Variants in SLC35F3 observed in about 807,000 individuals in gnomAD.
SLC35F3 encodes putative thiamine transporter SLC35F3.
Under a neutral mutation model 49.9 loss-of-function variants are expected in SLC35F3, and 25 were observed. The observed-to-expected ratio is 0.50, with a 90% CI of 0.37 to 0.70. SLC35F3 has a LOEUF of 0.70. Ranked by LOEUF, SLC35F3 falls within the 30% of genes least tolerant of loss-of-function variation. The pLI is 0.00. For missense variants in SLC35F3, 525 were observed against 639.8 expected (o/e 0.82, Z 1.94); for synonymous variants, 275 against 265.4 (o/e 1.04, Z -0.35).
chr1:233,932,880 G>A (rs866992499), intron 2 of SLC35F3, among the ~76,000 whole-genome samples: 12 of 152,230 alleles, frequency 7.9e-5, no homozygotes, highest in Admixed American at 5.2e-4. Flanking sequence ...CTACATGTTT[G>A]TAAATGGAAG....
chr1:234,195,069 A>C (rs187799462), intron 2 of SLC35F3, among the ~76,000 whole-genome samples: 96 of 152,296 alleles, frequency 6.3e-4, no homozygotes, highest in African/African-American at 2.2e-3. Flanking sequence ...TCAAGACTGC[A>C]CTCAAGCTCT....
chr1:234,055,771 G>A (rs1352595647), intron 2 of SLC35F3, among the ~76,000 whole-genome samples: 6 of 152,022 alleles, frequency 3.9e-5, no homozygotes, highest in Admixed American at 6.6e-5. Context: ...GTTCCTATTC[G>A]GCCATCTTGG....
intron 2 of SLC35F3, among the ~76,000 whole-genome samples, chr1:234,170,365 T>C (rs1235918302): frequency 1.3e-5 from 2 of 152,176 alleles, no homozygotes. Flanking sequence ...AAGTTATTTC[T>C]GTCTCACTGT....
intron 2 of SLC35F3, among the ~76,000 whole-genome samples, chr1:234,123,599 G>A (rs1053160056): frequency 1.7e-4 from 22 of 132,168 alleles, no homozygotes; most frequent in African/African-American, 5.4e-4. Flanking sequence ...TGTATTTTTA[G>A]TAGAGACAGG....
At chr1:234,198,817 CT>C (rs1005871472) in intron 2 of SLC35F3, among the ~76,000 whole-genome samples, 1 of 152,080 alleles carries the variant, frequency 6.6e-6, no homozygotes, top group Non-Finnish European at 1.5e-5. Flanking sequence ...TTAATATTAA[CT>C]GTGGTCACCA....
intron 2 of SLC35F3, among the ~76,000 whole-genome samples, chr1:234,224,870 T>A (rs1008073815): frequency 6.6e-6 from 1 of 152,176 alleles, no homozygotes; most frequent in African/African-American, 2.4e-5. Context: ...GTGGTGTATG[T>A]ATTGGGTGTC....
At chr1:234,262,910 G>A (rs1667927406) in intron 3 of SLC35F3, among the ~76,000 whole-genome samples, 1 of 152,204 alleles carries the variant, frequency 6.6e-6, no homozygotes, top group Non-Finnish European at 1.5e-5. Flanking sequence ...ACAGCCCTTT[G>A]ACTAATGGAC....
At position 234,079,262 on chromosome 1, in the gene SLC35F3, AT is replaced by A. The variant is rs962182763; in HGVS notation, c.284-152147del. Reference sequence around the variant, plus strand: ...ACAAATGGTGCTGGGACATGAGTCTATTTTTTTTATACGGTGTGAGATTAGG... The same window carrying A: ...ACAAATGGTGCTGGGACATGAGTCTATTTTTTTATACGGTGTGAGATTAGG... On this transcript the variant is annotated intron_variant, in intron 2 of 7. Transcript: ENST00000366618. Among the ~76,000 whole-genome samples the A allele has an allele frequency of 2.2e-4, 33 of 151,996 alleles. 1 individual carries two copies. The highest frequency in any genetic ancestry group is 7.5e-4 in the African/African-American group (31 of 41,396).
At chr1:233,942,404 A>C (rs114398837) in intron 2 of SLC35F3, among the ~76,000 whole-genome samples, 4,530 of 152,062 alleles carry the variant, frequency 0.03, 127 homozygotes, top group African/African-American at 0.081. Flanking sequence ...ATGACATATA[A>C]CCTTTATTCA....
chr1:233,992,361 A>G (rs4920204), intron 2 of SLC35F3, among the ~76,000 whole-genome samples: 46,853 of 152,150 alleles, frequency 0.31, 8,607 homozygotes, highest in Non-Finnish European at 0.42. Context: ...TCTTGCAGGC[A>G]GGGAAGTTCA....
At chr1:234,126,977 A>G (rs556293768) in intron 2 of SLC35F3, among the ~76,000 whole-genome samples, 3 of 152,246 alleles carry the variant, frequency 2.0e-5, no homozygotes, top group Non-Finnish European at 2.9e-5. Context: ...GATTACAGGC[A>G]TGAGCCACCC....
chr1:234,318,122 C>A (rs913094422), intron 5 of SLC35F3, among the ~76,000 whole-genome samples: 8 of 152,340 alleles, frequency 5.3e-5, no homozygotes, highest in African/African-American at 1.9e-4. Flanking sequence ...GCAGGAGCTG[C>A]CCTGGGGCCA....
intron 2 of SLC35F3, among the ~76,000 whole-genome samples, chr1:233,927,958 C>A (rs1420935733): frequency 6.6e-6 from 1 of 151,998 alleles, no homozygotes; most frequent in Non-Finnish European, 1.5e-5. Context: ...TTATAACTTT[C>A]AAATTTATTA....
intron 2 of SLC35F3, among the ~76,000 whole-genome samples, chr1:234,169,780 G>A (rs1666370622): frequency 6.6e-6 from 1 of 152,006 alleles, no homozygotes; most frequent in South Asian, 2.1e-4. Context: ...GTTTTGTTTT[G>A]TTTTTGAGTT....
chr1:234,059,597 C>A lies in SLC35F3; in HGVS notation c.283+153839C>A, dbSNP rs1347549331. ...GGTAGAGATAGAGCTAGAGCTAGAG[C>A]TAGAGACATAGACATAGACTAGACA... On this transcript the variant is annotated intron_variant, in intron 2 of 7. Coordinates refer to ENST00000366618, the MANE Select transcript of SLC35F3 (RefSeq NM_173508.4). 5.4e-5 allele frequency among the ~76,000 whole-genome samples: 8 copies of A among 148,526 alleles called. No homozygotes were observed. The South Asian group carries it at 6.6e-4, about 12-fold the overall frequency.
chr1:234,202,986 C>T (rs1190344550), intron 2 of SLC35F3, among the ~76,000 whole-genome samples: 1 of 152,188 alleles, frequency 6.6e-6, no homozygotes, highest in Non-Finnish European at 1.5e-5. Context: ...CAGCTCAGAG[C>T]TCTAGCTATG....
intron 2 of SLC35F3, among the ~76,000 whole-genome samples, chr1:233,959,050 C>A (rs1433357928): frequency 6.6e-6 from 1 of 152,146 alleles, no homozygotes; most frequent in Non-Finnish European, 1.5e-5. Flanking sequence ...GGTTAAGGGT[C>A]CATTTCCCTT....
At chr1:234,249,671 A>T (rs1237585106) in intron 3 of SLC35F3, among the ~76,000 whole-genome samples, 1 of 152,190 alleles carries the variant, frequency 6.6e-6, no homozygotes, top group Non-Finnish European at 1.5e-5. Context: ...CCCCAAAATT[A>T]TGTAGTCATC....
chr1:234,237,928 T>C (rs1465591769), intron 3 of SLC35F3, among the ~76,000 whole-genome samples: 1 of 152,190 alleles, frequency 6.6e-6, no homozygotes, highest in Non-Finnish European at 1.5e-5. Flanking sequence ...AGTCTCATAC[T>C]CCTGCTCTCA....
Sources: allele counts gnomAD v4.1 joint callset (sites outside exome capture counted in the v4.1 genomes callset), GRCh38; gene constraint gnomAD v4.1.1; transcripts MANE v1.5; gene names NCBI Gene and HGNC (gene_info 2026-07-23, HGNC 2026-07-21).